EPHB1: variants seen among roughly 807,000 people sequenced by gnomAD.
EPHB1 encodes ephrin type-B receptor 1.
EPHB1 carries 30 observed loss-of-function variants against 94.4 expected under a neutral mutation model. The ratio of observed to expected loss-of-function variants is 0.32; its 90% CI spans 0.24 to 0.43. The LOEUF is 0.43. Ranked by LOEUF, EPHB1 falls within the 20% of genes least tolerant of loss-of-function variation. The pLI is 1.00. For synonymous variants in EPHB1, 522 were observed against 489.1 expected (o/e 1.07, Z -0.89); for missense variants, 1,055 against 1,308.3 (o/e 0.81, Z 2.99).
At chr3:135,050,960 G>T (rs1363803162) in intron 3 of EPHB1, among the ~76,000 whole-genome samples, 1 of 151,574 alleles carries the variant, frequency 6.6e-6, no homozygotes, top group Non-Finnish European at 1.5e-5. Flanking sequence ...AAGAACGGAG[G>T]TTTAATAGAC....
intron 3 of EPHB1, among the ~76,000 whole-genome samples, chr3:135,010,380 G>A (rs1186170328): frequency 6.6e-6 from 1 of 152,018 alleles, no homozygotes; most frequent in Non-Finnish European, 1.5e-5. Flanking sequence ...ATAATACACA[G>A]GCATTTTTTT....
At chr3:135,070,052 T>C (rs754418889) in intron 3 of EPHB1, among the ~76,000 whole-genome samples, 8 of 152,204 alleles carry the variant, frequency 5.3e-5, no homozygotes, top group African/African-American at 1.2e-4. Context: ...AGTGTTTAAC[T>C]GTGGAAGAGT....
chr3:135,052,886 A>T lies in EPHB1; in HGVS notation c.806-53562A>T, dbSNP rs1201765016. Among the ~76,000 whole-genome samples the T allele has an allele frequency of 1.7e-3, 181 of 103,536 alleles. 10 individuals are homozygous for T. Among genetic ancestry groups the T allele is most frequent in the African/African-American group, 8.7e-3 (153 of 17,536 alleles). 67.9% of individuals were successfully genotyped at this position (103,536 alleles called of 152,430 possible). A position where few individuals can be genotyped will look rare whatever the true frequency, so the allele number is the denominator to read the frequency against. On this transcript the variant is annotated intron_variant, in intron 3 of 15. Transcript: ENST00000398015. ...AAAAAAAAAAAAAAAAAAAAAAAAA[A>T]AAAAATATATATATATATATATATG...
intron 3 of EPHB1, among the ~76,000 whole-genome samples, chr3:135,099,425 G>T (rs1283480797): frequency 6.6e-6 from 1 of 152,160 alleles, no homozygotes; most frequent in African/African-American, 2.4e-5. Context: ...TCAACACATT[G>T]CCATGAATAT....
chr3:134,953,554 G>A (rs577669007), intron 3 of EPHB1, among the ~76,000 whole-genome samples: 1 of 152,366 alleles, frequency 6.6e-6, no homozygotes, highest in African/African-American at 2.4e-5. Flanking sequence ...TCTAAGTGGG[G>A]ACCAAGGCAC....
chr3:134,978,555 C>G (rs1313433988), intron 3 of EPHB1, among the ~76,000 whole-genome samples: 3 of 152,196 alleles, frequency 2.0e-5, no homozygotes, highest in African/African-American at 7.2e-5. Context: ...CACCTACACA[C>G]TCTTTCCTCT....
intron 12 of EPHB1, among the ~76,000 whole-genome samples, chr3:135,209,090 A>C (rs1942971637): frequency 6.6e-6 from 1 of 152,326 alleles, no homozygotes; most frequent in Middle Eastern, 3.4e-3. Flanking sequence ...TAATCTACTG[A>C]ATAAGATGGG....
intron 5 of EPHB1, among the ~76,000 whole-genome samples, chr3:135,141,468 GACCTTAC>G (rs1389501703): frequency 6.6e-6 from 1 of 152,154 alleles, no homozygotes; most frequent in Non-Finnish European, 1.5e-5. Flanking sequence ...TGTCCTGGCT[GACCTTAC>G]ACCATGTCAC....
At chr3:134,807,549 G>A (rs1308646664) in intron 1 of EPHB1, among the ~76,000 whole-genome samples, 1 of 4,290 alleles carries the variant, frequency 2.3e-4, no homozygotes, top group Non-Finnish European at 6.8e-4. Flanking sequence ...GTGAGAGAGA[G>A]AGGGGAGAGA....
intron 2 of EPHB1, among the ~76,000 whole-genome samples, chr3:134,930,290 G>A (rs764226486): frequency 1.1e-4 from 17 of 152,262 alleles, no homozygotes; most frequent in African/African-American, 3.1e-4. Context: ...GCAATATTAC[G>A]TGTCAAAACC....
At chr3:134,796,612 C>T (rs1411459241) in intron 1 of EPHB1, among the ~76,000 whole-genome samples, 1 of 152,228 alleles carries the variant, frequency 6.6e-6, no homozygotes, top group African/African-American at 2.4e-5. Context: ...TGGGAAATCC[C>T]GGCCCAGCTC....
intron 4 of EPHB1, among the ~76,000 whole-genome samples, chr3:135,106,962 A>G (rs1939242297): frequency 2.0e-5 from 3 of 152,296 alleles, no homozygotes; most frequent in Admixed American, 2.0e-4. Flanking sequence ...CCTATAGCTG[A>G]GAATCTCCTA....
intron 1 of EPHB1, among the ~76,000 whole-genome samples, chr3:134,858,198 C>G (rs1402683521): frequency 6.7e-6 from 1 of 149,638 alleles, no homozygotes; most frequent in East Asian, 2.0e-4. Flanking sequence ...TCATCATCAT[C>G]TCTGTTATCT....
chr3:135,033,893 C>G (rs763035508), intron 3 of EPHB1, among the ~76,000 whole-genome samples: 1 of 152,112 alleles, frequency 6.6e-6, no homozygotes, highest in Non-Finnish European at 1.5e-5. Flanking sequence ...ATTTTGTTGC[C>G]GTAAGGGACC....
intron 1 of EPHB1, among the ~76,000 whole-genome samples, chr3:134,807,700 C>T (rs1287877061): frequency 6.6e-6 from 1 of 152,116 alleles, no homozygotes; most frequent in East Asian, 1.9e-4. Context: ...AGCACTCTCA[C>T]AGGCTTTACT....
intron 11 of EPHB1, among the ~76,000 whole-genome samples, chr3:135,196,499 C>T (rs1288904801): frequency 6.6e-6 from 1 of 152,142 alleles, no homozygotes; most frequent in African/African-American, 2.4e-5. Context: ...ACTCCTCACA[C>T]TGCATGGAGG....
At position 134,942,830 on chromosome 3, in the gene EPHB1, T is replaced by TGAACTAATAAATTAGTCAAA. The variant is rs532801227; in HGVS notation, c.124-8539_124-8520dup. Among the ~76,000 whole-genome samples the TGAACTAATAAATTAGTCAAA allele has an allele frequency of 4.3e-4, 65 of 152,354 alleles. No individual in the cohort carries two copies. The South Asian group carries it at 0.013, about 31-fold the overall frequency. On this transcript the variant is annotated intron_variant, in intron 2 of 15. Coordinates refer to ENST00000398015, the MANE Select transcript of EPHB1 (RefSeq NM_004441.5). ...CATGGAATTATTTTTCTTGTTGAAATGAACTAATAAATTAGTCAAAGTTTA... is the reference window on the plus strand; with the variant it reads ...CATGGAATTATTTTTCTTGTTGAAATGAACTAATAAATTAGTCAAAGAACTAATAAATTAGTCAAAGTTTA...
chr3:134,978,545 C>A (rs1934281099), intron 3 of EPHB1, among the ~76,000 whole-genome samples: 1 of 151,888 alleles, frequency 6.6e-6, no homozygotes, highest in Non-Finnish European at 1.5e-5. Context: ...GCTCCAATGT[C>A]ACCTACACAC....
intron 3 of EPHB1, among the ~76,000 whole-genome samples, chr3:134,962,049 C>A (rs1933539777): frequency 6.6e-6 from 1 of 152,112 alleles, no homozygotes; most frequent in Non-Finnish European, 1.5e-5. Flanking sequence ...TAGATATTCC[C>A]AAATTGTCCT....
Sources: gnomAD v4.1 joint callset for allele counts (sites outside exome capture counted in the v4.1 genomes callset) on GRCh38, gnomAD v4.1.1 for gene constraint, MANE v1.5 for transcripts, NCBI Gene and HGNC (gene_info 2026-07-23, HGNC 2026-07-21) for gene names.